MICAL2: variants seen among roughly 807,000 people sequenced by gnomAD.
MICAL2 encodes the protein microtubule associated monooxygenase, calponin and LIM domain containing 2.
Under a neutral mutation model 127.3 loss-of-function variants are expected in MICAL2, and 77 were observed. That is an observed-to-expected ratio of 0.60 (90% CI 0.50 to 0.73). The LOEUF is 0.73. Ranked by LOEUF, MICAL2 falls within the 30% of genes least tolerant of loss-of-function variation. MICAL2 has a pLI of 0.00. For synonymous variants in MICAL2, 570 were observed against 551.1 expected (o/e 1.03, Z -0.48); for missense variants, 1,351 against 1,434.4 (o/e 0.94, Z 0.94).
In MICAL2 at chr11:12,242,274, A is replaced by C. The variant is rs1487849848; in HGVS notation, c.2398A>C (p.Ser800Arg). 3 of 1,613,798 alleles carry C rather than the reference A, an allele frequency of 1.9e-6. No homozygotes were observed. The highest frequency in any genetic ancestry group is 2.5e-6 in the Non-Finnish European group (3 of 1,179,862). The change falls in exon 19 of 28, where the codon AGT (serine) becomes CGT (arginine). Residue 800 changes from serine to arginine, a missense_variant. Around this residue, in one of 2 missense-constraint regions of MICAL2, gnomAD observed 752 missense variants for 719.4 expected, o/e 1.05. Coordinates refer to ENST00000683283, the MANE Select transcript of MICAL2 (RefSeq NM_001282663.2). ...AGAGCTCAAGCAAGTGTCTGCTGGC[A>C]GTGAGTGCCTGAGCAGACCTTGGAG... is the stretch of plus-strand genomic sequence containing the variant. ...LRELKQVSAG[S>R]ECLSRPWRAR...
Position 12,209,604 on chromosome 11 carries a change from G to C in MICAL2, c.691+6G>C. ...CCGCAGGAACACCCTGGAAGGTGAA[G>C]ACTCTTCTTCTTGGTGTGGGAATGG... On this transcript the variant is annotated splice_donor_region_variant and intron_variant, in intron 6 of 27. Transcript: ENST00000683283. The C allele has an allele frequency of 6.2e-7, 1 of 1,609,904 alleles. No homozygotes were observed. The highest frequency in any genetic ancestry group is 8.5e-7 in the Non-Finnish European group (1 of 1,176,082).
intron 32 of MICAL2, among the ~76,000 whole-genome samples, chr11:12,330,894 A>AGTGT (rs1435601274): frequency 2.3e-4 from 28 of 124,214 alleles, no homozygotes; most frequent in Non-Finnish European, 4.8e-4. Flanking sequence ...AGAGAGAGAG[A>AGTGT]GAGAGAGTGT....
chr11:12,149,341 C>G (rs1853321494), intron 2 of MICAL2, among the ~76,000 whole-genome samples: 1 of 152,138 alleles, frequency 6.6e-6, no homozygotes, highest in African/African-American at 2.4e-5. Context: ...TGGACTTCAC[C>G]CTGCAGATTG....
chr11:12,359,332 G>A, downstream of MICAL2, among the ~76,000 whole-genome samples: 1 of 48,498 alleles, frequency 2.1e-5, no homozygotes, highest in East Asian at 1.2e-3. Flanking sequence ...TGTTGATGAT[G>A]GCAAAAAAAA....
chr11:12,123,866 G>A (rs1298336341), intron 1 of MICAL2, among the ~76,000 whole-genome samples: 1 of 152,044 alleles, frequency 6.6e-6, no homozygotes, highest in African/African-American at 2.4e-5. Context: ...TTTTTATACA[G>A]CGAAGGCAGT....
intron 1 of MICAL2, among the ~76,000 whole-genome samples, chr11:12,113,775 G>C (rs1244736985): frequency 6.6e-6 from 1 of 151,808 alleles, no homozygotes; most frequent in Non-Finnish European, 1.5e-5. Context: ...GCATATATAG[G>C]GTTTGGTACT....
intron 1 of MICAL2, among the ~76,000 whole-genome samples, chr11:12,130,393 C>T (rs1565002399): frequency 2.0e-5 from 3 of 152,136 alleles, no homozygotes; most frequent in South Asian, 4.1e-4. Flanking sequence ...TCAGAGGCCA[C>T]AGGGCAGAGG....
chr11:12,181,415 C>A (rs189370129), intron 3 of MICAL2, among the ~76,000 whole-genome samples: 2 of 152,150 alleles, frequency 1.3e-5, no homozygotes, highest in Non-Finnish European at 2.9e-5. Flanking sequence ...TTTCAATTTG[C>A]GGTTAAGGAT....
downstream of MICAL2, chr11:12,293,871 C>T (rs762680609): frequency 4.3e-6 from 7 of 1,609,792 alleles, no homozygotes; most frequent in East Asian, 6.7e-5. Context: ...CAAGAGCTAT[C>T]TCCCTTGGCT....
chr11:12,139,583 G>A (rs1407155519), intron 2 of MICAL2, among the ~76,000 whole-genome samples: 1 of 152,292 alleles, frequency 6.6e-6, no homozygotes, highest in East Asian at 1.9e-4. Flanking sequence ...AGGAGTCCAC[G>A]GGAGTCCTGA....
At position 12,262,241 on chromosome 11, in the gene MICAL2, G is replaced by A; in HGVS notation, c.3335-239G>A. The A allele has an allele frequency of 2.2e-6, 3 of 1,395,248 alleles. No individual in the cohort carries two copies. The South Asian group carries it at 4.6e-5, about 22-fold the overall frequency. The allele number at this position is 1,395,248 out of a possible 1,614,324, so 86.4% of individuals were successfully genotyped here. ...TAAAATGGGGGCAGAGAGGATATCA[G>A]GGAGCAAGATGCAAACTGTGTGCAT... On this transcript the variant is annotated intron_variant, in intron 26 of 27. Coordinates refer to ENST00000683283, the MANE Select transcript of MICAL2 (RefSeq NM_001282663.2).
intron 29 of MICAL2, among the ~76,000 whole-genome samples, chr11:12,313,647 A>G (rs1035409994): frequency 6.6e-6 from 1 of 152,118 alleles, no homozygotes; most frequent in African/African-American, 2.4e-5. Flanking sequence ...GATATTCTAT[A>G]TTTGCTTATC....
chr11:12,259,890 C>G lies in MICAL2; in HGVS notation c.3327C>G (p.Ser1109Arg). 6.2e-7 allele frequency: 1 copy of G among 1,612,486 alleles called. No homozygotes were observed. Among genetic ancestry groups the G allele is most frequent in the Non-Finnish European group, 8.5e-7 (1 of 1,178,994 alleles). The change falls in exon 26 of 28, where the codon AGC becomes AGG. Residue 1109 changes from serine to arginine, a missense_variant. Physicochemically the swap from Ser to Arg is moderately radical, Grantham distance 110. This residue lies in a region of MICAL2 where 752 missense variants were observed against 719.4 expected (regional missense o/e 1.05). Transcript: ENST00000683283. The stretch of plus-strand genomic sequence containing the variant: ...CCGCCATTGGCACCCTGGAAGGCAG[C>G]CCCCCAGGTATCTCCACCTCCTTCT... ...AVAAIGTLEG[S>R]PPVHFSLPVL...
intron 29 of MICAL2, chr11:12,308,334 T>G (rs1012459344): frequency 2.0e-5 from 3 of 152,244 alleles, no homozygotes; most frequent in African/African-American, 7.2e-5. Flanking sequence ...ACTGGAATTT[T>G]GCTTGTTATC....
downstream of MICAL2, among the ~76,000 whole-genome samples, chr11:12,290,589 G>A (rs1440726133): frequency 6.6e-6 from 1 of 152,188 alleles, no homozygotes; most frequent in Non-Finnish European, 1.5e-5. Context: ...TTTTAGGCTT[G>A]AACCTTCTAA....
intron 7 of MICAL2, 104 bp downstream of exon 7, chr11:12,213,514 G>T: frequency 1.7e-6 from 2 of 1,156,920 alleles, no homozygotes; most frequent in Non-Finnish European, 2.4e-6. Context: ...GGCCTCGAGG[G>T]ACTCACTCTG....
At chr11:12,138,011 CCTG>C (rs1290031154) in intron 1 of MICAL2, among the ~76,000 whole-genome samples, 7 of 152,222 alleles carry the variant, frequency 4.6e-5, no homozygotes, top group Non-Finnish European at 1.0e-4. Flanking sequence ...CAGTTTTACA[CCTG>C]CTTGATTTAC....
At chr11:12,184,349 C>G (rs1254634804) in intron 3 of MICAL2, among the ~76,000 whole-genome samples, 4 of 152,228 alleles carry the variant, frequency 2.6e-5, no homozygotes, top group Non-Finnish European at 4.4e-5. Context: ...TCACCATTCT[C>G]CTCCTGGTTA....
At chr11:12,150,481 G>A (rs1486753635) in intron 2 of MICAL2, among the ~76,000 whole-genome samples, 1 of 152,040 alleles carries the variant, frequency 6.6e-6, no homozygotes, top group African/African-American at 2.4e-5. Context: ...GGATCTTTGG[G>A]GGACAGACTC....
Sources: gnomAD v4.1 joint callset for allele counts (sites outside exome capture counted in the v4.1 genomes callset) on GRCh38, gnomAD v4.1.1 for gene constraint, gnomAD v4.1.1 regional missense constraint, MANE v1.5 for transcripts, NCBI Gene and HGNC (gene_info 2026-07-23, HGNC 2026-07-21) for gene names.